ALPK2: variants seen among roughly 807,000 people sequenced by gnomAD.
The protein encoded by ALPK2 is alpha-protein kinase 2.
Under a neutral mutation model 163.1 loss-of-function variants are expected in ALPK2, and 127 were observed. The observed-to-expected ratio is 0.78, with a 90% CI of 0.67 to 0.90. The LOEUF (loss-of-function observed/expected upper bound fraction) is 0.90. Among genes scored for constraint, ALPK2 ranks in the 40% least tolerant of loss-of-function variants. The probability of loss-of-function intolerance (pLI) is 0.00; values close to 1 mark genes in which losing one functional copy is unlikely to be tolerated. For missense variants in ALPK2, 2,360 were observed against 2,589.6 expected, an observed-to-expected ratio of 0.91 and a Z score of 1.92; for synonymous variants, 953 against 959.1, an observed-to-expected ratio of 0.99 and a Z score of 0.12.
Position 58,481,628 on chromosome 18 carries a change from C to T in ALPK2, c.*195G>A, listed in dbSNP as rs144343978. The T allele has an allele frequency of 3.2e-5, 19 of 599,598 alleles. No individual in the cohort carries two copies. The Admixed American group carries it at 3.6e-4, about 11-fold the overall frequency. 37.1% of individuals were successfully genotyped at this position (599,598 alleles called of 1,614,324 possible). On this transcript the variant is annotated 3_prime_UTR_variant, in exon 13 of 13. Coordinates refer to ENST00000361673, the MANE Select transcript of ALPK2 (RefSeq NM_052947.4). Reference sequence around the variant, plus strand: ...GATTCAATCTCCCCATAAACCTGGTCGCAAATCCTGTTCTGAAATCATTTG... The same window carrying T: ...GATTCAATCTCCCCATAAACCTGGTTGCAAATCCTGTTCTGAAATCATTTG...
chr18:58,572,699 A>C (rs2051892027), intron 4 of ALPK2, among the ~76,000 whole-genome samples: 1 of 152,218 alleles, frequency 6.6e-6, no homozygotes, highest in Non-Finnish European at 1.5e-5. Context: ...AGTGGTTGCC[A>C]GGGGCTACCA....
intron 4 of ALPK2, among the ~76,000 whole-genome samples, chr18:58,577,137 T>C (rs187229846): frequency 2.3e-4 from 35 of 152,312 alleles, no homozygotes; most frequent in Non-Finnish European, 4.4e-4. Flanking sequence ...CCATTTTACT[T>C]GACTGACTTG....
chr18:58,622,623 G>A (rs1200418066), intron 1 of ALPK2, among the ~76,000 whole-genome samples: 4 of 152,124 alleles, frequency 2.6e-5, no homozygotes, highest in African/African-American at 4.8e-5. Context: ...TGCTGTAATC[G>A]GACCCACTTC....
intron 4 of ALPK2, among the ~76,000 whole-genome samples, chr18:58,574,622 C>G (rs777327213): frequency 8.6e-5 from 13 of 151,902 alleles, no homozygotes; most frequent in Non-Finnish European, 1.3e-4. Context: ...GTTGCACAGT[C>G]CTTACGAGAA....
At chr18:58,532,264 T>C (rs1645840354) in intron 5 of ALPK2, among the ~76,000 whole-genome samples, 1 of 152,218 alleles carries the variant, frequency 6.6e-6, no homozygotes, top group Non-Finnish European at 1.5e-5. Flanking sequence ...GCTGTGATCC[T>C]AAAGAAAAGT....
intron 4 of ALPK2, among the ~76,000 whole-genome samples, chr18:58,556,632 G>A (rs1375273380): frequency 2.0e-5 from 3 of 152,216 alleles, no homozygotes; most frequent in South Asian, 4.1e-4. Flanking sequence ...AAAGCCCTAA[G>A]CCCTCATTAT....
chr18:58,596,385 G>C (rs534370971), intron 3 of ALPK2, among the ~76,000 whole-genome samples: 1 of 152,334 alleles, frequency 6.6e-6, no homozygotes, highest in South Asian at 2.1e-4. Context: ...GCCACTAGCA[G>C]GCAGACGGGC....
At chr18:58,587,903 A>G (rs1209857298) in intron 3 of ALPK2, among the ~76,000 whole-genome samples, 6 of 152,220 alleles carry the variant, frequency 3.9e-5, no homozygotes, top group African/African-American at 1.4e-4. Context: ...ACTGGCAACA[A>G]ATACTTTTAG....
chr18:58,497,751 G>A (rs2051408413), intron 12 of ALPK2, among the ~76,000 whole-genome samples: 1 of 152,144 alleles, frequency 6.6e-6, no homozygotes, highest in African/African-American at 2.4e-5. Flanking sequence ...CCAGTTAAAA[G>A]GCATCCAAGT....
chr18:58,520,762 T>C (rs962885123), intron 8 of ALPK2, among the ~76,000 whole-genome samples: 10 of 152,254 alleles, frequency 6.6e-5, no homozygotes, highest in Admixed American at 6.5e-4. Flanking sequence ...GAGACCATCT[T>C]GTAAAAGATT....
intron 4 of ALPK2, among the ~76,000 whole-genome samples, chr18:58,576,808 G>C (rs1012032503): frequency 6.6e-6 from 1 of 152,194 alleles, no homozygotes; most frequent in Non-Finnish European, 1.5e-5. Flanking sequence ...ACTCCAGGCT[G>C]CACGGAACTG....
chr18:58,539,353 G>A (rs1324969094), intron 4 of ALPK2, among the ~76,000 whole-genome samples: 1 of 152,132 alleles, frequency 6.6e-6, no homozygotes, highest in Non-Finnish European at 1.5e-5. Flanking sequence ...GGGAGGGAGG[G>A]AGGAAGAGAG....
At chr18:58,617,348 G>A (rs1161685520) in intron 1 of ALPK2, among the ~76,000 whole-genome samples, 1 of 152,052 alleles carries the variant, frequency 6.6e-6, no homozygotes, top group Admixed American at 6.5e-5. Context: ...CACCACGCCA[G>A]GCTAATTTTT....
At chr18:58,518,912 G>C (rs1357756393) in intron 8 of ALPK2, among the ~76,000 whole-genome samples, 1 of 152,180 alleles carries the variant, frequency 6.6e-6, no homozygotes. Context: ...AGCACTTCTG[G>C]AGTATCTCCC....
chr18:58,485,800 G>A (rs761607307), intron 12 of ALPK2, among the ~76,000 whole-genome samples: 6 of 152,196 alleles, frequency 3.9e-5, no homozygotes, highest in Admixed American at 6.5e-5. Flanking sequence ...GGGGGACCCC[G>A]GTTGCTTCAC....
intron 12 of ALPK2, among the ~76,000 whole-genome samples, chr18:58,493,046 G>C (rs1202966851): frequency 6.6e-6 from 1 of 152,206 alleles, no homozygotes; most frequent in Admixed American, 6.5e-5. Context: ...GGGCCAGCCA[G>C]CCCTACTACA....
intron 12 of ALPK2, among the ~76,000 whole-genome samples, chr18:58,496,357 A>G (rs2051401087): frequency 6.6e-6 from 1 of 152,232 alleles, no homozygotes; most frequent in Non-Finnish European, 1.5e-5. Flanking sequence ...TATGCCAGCC[A>G]GGTCTCTGGT....
At chr18:58,583,751 A>AAG (rs1555675062) in intron 3 of ALPK2, among the ~76,000 whole-genome samples, 3 of 135,436 alleles carry the variant, frequency 2.2e-5, no homozygotes, top group Admixed American at 7.5e-5. Flanking sequence ...AAAAAAAAAA[A>AAG]AAAGAAAGAA....
Position 58,536,886 on chromosome 18 carries a change from G to C in ALPK2, c.3301C>G (p.Leu1101Val). 1 of 1,614,220 alleles carries C rather than the reference G, an allele frequency of 6.2e-7. No individual in the cohort carries two copies. The highest frequency in any genetic ancestry group is 8.5e-7 in the Non-Finnish European group (1 of 1,180,032). ...TCTCCAGACAGGTTATCAACCTGAA[G>C]AGGGGAATTACTGCAGAAACCCTCT... is the stretch of plus-strand genomic sequence containing the variant. ...EGEGFCSNSP[L>V]QVDNLSGDKS... The change falls in exon 5 of 13, where the codon CTT (leucine) becomes GTT (valine). Residue 1101 changes from leucine to valine, a missense_variant. By Grantham distance (32) the Leu-to-Val change is conservative. Coordinates refer to ENST00000361673, the MANE Select transcript of ALPK2 (RefSeq NM_052947.4).
Sources: gnomAD v4.1 joint callset for allele counts (sites outside exome capture counted in the v4.1 genomes callset) on GRCh38, gnomAD v4.1.1 for gene constraint, MANE v1.5 for transcripts, NCBI Gene and HGNC (gene_info 2026-07-23, HGNC 2026-07-21) for gene names.